Variants in UBQLN4 observed in about 807,000 individuals in gnomAD.
UBQLN4 encodes ubiquilin-4.
Under a neutral mutation model 60.4 loss-of-function variants are expected in UBQLN4, and 11 were observed. The observed-to-expected ratio is 0.18, with a 90% CI of 0.11 to 0.30. UBQLN4 has a LOEUF of 0.30. Among genes scored for constraint, UBQLN4 ranks in the 10% least tolerant of loss-of-function variants. The probability of loss-of-function intolerance (pLI) is 1.00; values close to 1 mark genes in which losing one functional copy is unlikely to be tolerated. For missense variants in UBQLN4, 417 were observed against 795.5 expected (o/e 0.52, Z 5.72); for synonymous variants, 258 against 313.1 (o/e 0.82, Z 1.86).
intron 10 of UBQLN4, among the ~76,000 whole-genome samples, chr1:156,038,445 A>G (rs1257833683): frequency 6.6e-6 from 1 of 151,988 alleles, no homozygotes; most frequent in Non-Finnish European, 1.5e-5. Context: ...GGATCACTTG[A>G]GGTCAGGAGT....
rs566152126 is a variant in UBQLN4, at chr1:156,039,438, C to T, written c.1653+2047G>A. On this transcript the variant is annotated intron_variant, in intron 10 of 10. Coordinates refer to ENST00000368309, the MANE Select transcript of UBQLN4 (RefSeq NM_020131.5). ...GCTAATTTTGTATTTTTAGTAGAGA[C>T]GGGGTTTCTCCACGTTGGTCAGGCT... Among the ~76,000 whole-genome samples the T allele has an allele frequency of 7.9e-5, 12 of 151,486 alleles. No individual in the cohort carries two copies. The South Asian group carries it at 1.0e-3, about 13-fold the overall frequency.
chr1:156,047,410 A>AT (rs1409679845), intron 5 of UBQLN4, among the ~76,000 whole-genome samples: 2 of 151,078 alleles, frequency 1.3e-5, no homozygotes, highest in African/African-American at 2.4e-5. Context: ...TGCCCGGCTA[A>AT]TTTTTTGTAT....
chr1:156,045,026 G>A (rs910460808), intron 5 of UBQLN4, among the ~76,000 whole-genome samples: 11 of 152,094 alleles, frequency 7.2e-5, no homozygotes, highest in Non-Finnish European at 1.5e-4. Flanking sequence ...AGGCAACACC[G>A]GAACCTCCTC....
rs369283664 is a variant in UBQLN4 at position 156,038,386 on chromosome 1, G to T, written c.1654-1256C>A. On this transcript the variant is annotated intron_variant, in intron 10 of 10. Transcript: ENST00000368309. ...GTACATCTTAAAAAAACAAAAGTGC[G>T]TGGTGGCTCATGCCTGTAATCCCAG... Among the ~76,000 whole-genome samples, 49 of 144,430 alleles carry T rather than the reference G, an allele frequency of 3.4e-4. 1 individual carries two copies. In the East Asian group the frequency reaches 9.3e-3, roughly 28 times the overall value. 94.8% of individuals were successfully genotyped at this position (144,430 alleles called of 152,430 possible). A position where few individuals can be genotyped will look rare whatever the true frequency, so the allele number is the denominator to read the frequency against.
chr1:156,034,168 C>G (rs1683342465), downstream of UBQLN4, among the ~76,000 whole-genome samples: 2 of 151,686 alleles, frequency 1.3e-5, no homozygotes. Context: ...AAGATAAAAC[C>G]CCATAGGTGT....
At chr1:156,034,825 C>CTA (rs34720108), downstream of UBQLN4, among the ~76,000 whole-genome samples, 1,579 of 46,064 alleles carry the variant, frequency 0.034, 57 homozygotes, top group African/African-American at 0.047. Flanking sequence ...CCTTAACCTT[C>CTA]TATATATATA....
Position 156,041,669 on chromosome 1 carries a change from A to C in UBQLN4, c.1469T>G (p.Leu490Arg), listed in dbSNP as rs1291805255. 1.6e-5 allele frequency: 25 copies of C among 1,545,610 alleles called. No individual in the cohort carries two copies. Among genetic ancestry groups the C allele is most frequent in the Non-Finnish European group, 2.2e-5 (25 of 1,146,208 alleles). The change falls in exon 10 of 11, where the codon CTT becomes CGT. Residue 490 changes from leucine (L) to arginine (R), a missense_variant and splice_region_variant. By Grantham distance (102) the Leu-to-Arg change is moderately radical. Transcript: ENST00000368309. The part of the protein sequence containing the change: ...QTEAPGLVPS[L>R]GSFGISRTPA... The stretch of plus-strand genomic sequence containing the variant: ...GGTCCGGGATATCCCAAAGGAGCCA[A>C]GGCTGTAGGCAAGAGAGACCAAGAG...
At position 156,051,145 on chromosome 1, in the gene UBQLN4, C is replaced by T. The variant is rs751878827; in HGVS notation, c.443G>A (p.Gly148Glu). ...SSGGGPSPGA[G>E]EGSPSATASI... ...CGCAGTAGCACTGGGGGATCCCTCC[C>T]CAGCCCCCGGAGAGGGCCCCCCACC... Residue 148 changes from glycine to glutamate, a missense_variant, in exon 3 of 11, where the codon GGG becomes GAG. Coordinates refer to ENST00000368309, the MANE Select transcript of UBQLN4 (RefSeq NM_020131.5). 28 of 1,612,796 alleles carry T rather than the reference C, an allele frequency of 1.7e-5. No individual in the cohort carries two copies. Among genetic ancestry groups the T allele is most frequent in the Non-Finnish European group, 2.4e-5 (28 of 1,179,462 alleles).
At position 156,043,886 on chromosome 1, in the gene UBQLN4, G is replaced by A. The variant is rs185901501; in HGVS notation, c.1126+112C>T. The A allele has an allele frequency of 8.2e-3, 9,937 of 1,214,286 alleles. 71 individuals carry two copies. Among genetic ancestry groups the A allele is most frequent in the South Asian group, 0.017 (1,258 of 73,158 alleles). The allele number at this position is 1,214,286 out of a possible 1,614,324, so 75.2% of individuals were successfully genotyped here. A position where few individuals can be genotyped will look rare whatever the true frequency, so the allele number is the denominator to read the frequency against. ...ACGGCAGAGCCCCCTCTGTGGCCTC[G>A]ATAGTCTCACCTCTGTCTTCAAAAT... On this transcript the variant is annotated intron_variant, in intron 6 of 10. Transcript: ENST00000368309.
chr1:156,043,840 C>G (rs1371518213), intron 6 of UBQLN4, among the ~76,000 whole-genome samples, 158 bp downstream of exon 6: 1 of 152,168 alleles, frequency 6.6e-6, no homozygotes. Flanking sequence ...AGAACCAGCC[C>G]TCACCCGGCC....
chr1:156,046,937 T>A (rs1683718482), intron 5 of UBQLN4, among the ~76,000 whole-genome samples: 1 of 151,892 alleles, frequency 6.6e-6, no homozygotes. Context: ...TATACATAGG[T>A]AATAAAAGAA....
chr1:156,041,882 G>C lies in UBQLN4; in HGVS notation c.1456C>G (p.Leu486Val), dbSNP rs1683576382. Residue 486 changes from leucine (L) to valine (V), a missense_variant, in exon 9 of 11, where the codon CTG (leucine) becomes GTG (valine). Coordinates refer to ENST00000368309, the MANE Select transcript of UBQLN4 (RefSeq NM_020131.5). ...LQTLQTEAPGLVPSLGSFGIS... is the reference protein window; with the variant it reads ...LQTLQTEAPGVVPSLGSFGIS... Reference sequence around the variant, plus strand: ...CCCCCCTACCCTCACCTGGGTACCAGCCCAGGGGCCTCGGTCTGCAAGGTC... The same window carrying C: ...CCCCCCTACCCTCACCTGGGTACCACCCCAGGGGCCTCGGTCTGCAAGGTC... 3 of 1,612,588 alleles carry C rather than the reference G, an allele frequency of 1.9e-6. No individual in the cohort carries two copies. Among genetic ancestry groups the C allele is most frequent in the Non-Finnish European group, 2.5e-6 (3 of 1,179,598 alleles).
intron 5 of UBQLN4, 35 bp from the exon 6 acceptor site, chr1:156,044,258 A>C: frequency 6.5e-7 from 1 of 1,537,832 alleles, no homozygotes; most frequent in African/African-American, 1.4e-5. Flanking sequence ...TTAAGGACTG[A>C]AACAAATCAG....
At chr1:156,049,936 T>C (rs1346200933) in intron 4 of UBQLN4, among the ~76,000 whole-genome samples, 1 of 152,244 alleles carries the variant, frequency 6.6e-6, no homozygotes, top group African/African-American at 2.4e-5. Flanking sequence ...TTCTTCTTTC[T>C]TTCCCCCTGG....
At chr1:156,038,001 G>A (rs1683451235) in intron 10 of UBQLN4, among the ~76,000 whole-genome samples, 1 of 152,100 alleles carries the variant, frequency 6.6e-6, no homozygotes. Context: ...CTATCTCCTG[G>A]GCTCAGGTGA....
chr1:156,051,960 CTA>C (rs1277037204), intron 1 of UBQLN4, 103 bp from the exon 2 acceptor site: 7 of 1,452,928 alleles, frequency 4.8e-6, no homozygotes, highest in Non-Finnish European at 6.6e-6. Flanking sequence ...GCTCTCATCT[CTA>C]GTCATGGGAA....
At chr1:156,041,766 A>G in intron 9 of UBQLN4, 95 bp from the exon 10 acceptor site, 2 of 1,453,370 alleles carry the variant, frequency 1.4e-6, no homozygotes, top group Non-Finnish European at 1.8e-6. Context: ...AGAAACAGGA[A>G]AACAGACCCT....
At chr1:156,032,449 T>G (rs535268460), downstream of UBQLN4, among the ~76,000 whole-genome samples, 258 of 149,954 alleles carry the variant, frequency 1.7e-3, 1 homozygote, top group African/African-American at 6.1e-3. Flanking sequence ...AGGTGGAGGT[T>G]GCAGTAAGCA....
At chr1:156,044,330 A>G in intron 5 of UBQLN4, 107 bp from the exon 6 acceptor site, 1 of 1,032,384 alleles carries the variant, frequency 9.7e-7, no homozygotes, top group Admixed American at 2.2e-5. Flanking sequence ...CAGAAAAGGG[A>G]GAGAGATCTA....
Sources: allele counts gnomAD v4.1 joint callset (sites outside exome capture counted in the v4.1 genomes callset), GRCh38; gene constraint gnomAD v4.1.1; transcripts MANE v1.5; gene names NCBI Gene and HGNC (gene_info 2026-07-23, HGNC 2026-07-21).